The following DCAF6 variants were observed in gnomAD, a reference collection of about 807,000 sequenced individuals.
DCAF6 encodes DDB1 and CUL4 associated factor 6.
A neutral mutation model predicts 125.1 loss-of-function variants in DCAF6; 54 were observed. The observed-to-expected ratio is 0.43, with a 90% CI of 0.35 to 0.54. DCAF6 has a LOEUF of 0.54. DCAF6 is among the 20% of genes least tolerant of loss of function. The pLI is 0.01. For synonymous variants in DCAF6, 371 were observed against 390.4 expected (o/e 0.95, Z 0.58); for missense variants, 934 against 1,161.7 (o/e 0.80, Z 2.85).
At chr1:167,956,102 C>T in intron 2 of DCAF6, among the ~76,000 whole-genome samples, 1 of 152,128 alleles carries the variant, frequency 6.6e-6, no homozygotes, top group Non-Finnish European at 1.5e-5. Context: ...ATGATGTCAT[C>T]AGTTTTTTCA....
chr1:167,963,581 C>T lies in DCAF6; in HGVS notation c.160-3048C>T, dbSNP rs1239971513. Among the ~76,000 whole-genome samples the T allele has an allele frequency of 7.2e-5, 11 of 151,918 alleles. No homozygotes were observed. In the East Asian group the frequency reaches 1.7e-3, roughly 24 times the overall value. Reference sequence around the variant, plus strand: ...TCAGCCTCCTGAGTAGCTGGGATGCCACCACACCCAGCTAATTTTTGTGTT... The same window carrying T: ...TCAGCCTCCTGAGTAGCTGGGATGCTACCACACCCAGCTAATTTTTGTGTT... On this transcript the variant is annotated intron_variant, in intron 2 of 21. Coordinates refer to ENST00000367840, the MANE Select transcript of DCAF6 (RefSeq NM_001198956.2).
intron 10 of DCAF6, among the ~76,000 whole-genome samples, chr1:168,008,112 G>T (rs138812460): frequency 0.015 from 2,285 of 151,788 alleles, 53 homozygotes; most frequent in African/African-American, 0.051. Flanking sequence ...TGGGATTACA[G>T]GTTCCTGCCA....
intron 3 of DCAF6, chr1:167,969,122 T>G (rs147552147): frequency 3.3e-5 from 5 of 152,210 alleles, no homozygotes; most frequent in Non-Finnish European, 2.9e-5. Context: ...AAGAAAGTCA[T>G]TATGTCTAAA....
chr1:167,922,944 A>G, the DCAF6 span, among the ~76,000 whole-genome samples: 1 of 152,226 alleles, frequency 6.6e-6, no homozygotes, highest in African/African-American at 2.4e-5. Flanking sequence ...AAGTACAATA[A>G]GTATATGTTC....
At chr1:167,959,350 G>A (rs1218614318) in intron 2 of DCAF6, among the ~76,000 whole-genome samples, 1 of 152,192 alleles carries the variant, frequency 6.6e-6, no homozygotes, top group African/African-American at 2.4e-5. Context: ...TTGTGGGCAG[G>A]TGTTGGTGTG....
chr1:167,939,520 T>C (rs1057298982), intron 1 of DCAF6, among the ~76,000 whole-genome samples: 1 of 152,204 alleles, frequency 6.6e-6, no homozygotes, highest in East Asian at 1.9e-4. Flanking sequence ...CCCAGCACTT[T>C]GGGAGGCCAA....
At chr1:167,951,086 T>C (rs1673858882) in intron 1 of DCAF6, among the ~76,000 whole-genome samples, 1 of 152,208 alleles carries the variant, frequency 6.6e-6, no homozygotes, top group South Asian at 2.1e-4. Context: ...TATACTAACT[T>C]ATAGCACTTA....
chr1:168,036,564 G>C (rs757416180), intron 12 of DCAF6, among the ~76,000 whole-genome samples: 2 of 152,132 alleles, frequency 1.3e-5, no homozygotes, highest in Non-Finnish European at 2.9e-5. Flanking sequence ...GAAGCCTAAA[G>C]ACAGCAGTGA....
intron 9 of DCAF6, among the ~76,000 whole-genome samples, chr1:168,004,244 G>A (rs939461938): frequency 1.2e-4 from 19 of 152,048 alleles, no homozygotes; most frequent in African/African-American, 4.3e-4. Flanking sequence ...CCTATTTTAA[G>A]CCTTTTTTTA....
At chr1:168,013,460 C>T (rs1684561054) in intron 10 of DCAF6, among the ~76,000 whole-genome samples, 1 of 152,146 alleles carries the variant, frequency 6.6e-6, no homozygotes, top group South Asian at 2.1e-4. Context: ...ATGCTAGTGT[C>T]AGAAATTCTC....
chr1:167,936,709 G>C lies in DCAF6; in HGVS notation c.-203G>C, dbSNP rs1349070784. On this transcript the variant is annotated 5_prime_UTR_variant, in exon 1 of 22. Transcript: ENST00000367840. Reference sequence around the variant, plus strand: ...GATGTTCTGGTTAGTCTAAGAAGGAGAGTATGAGGCGAGCTCCGGCCCGGG... The same window carrying C: ...GATGTTCTGGTTAGTCTAAGAAGGACAGTATGAGGCGAGCTCCGGCCCGGG... 9 of 579,364 alleles carry C rather than the reference G, an allele frequency of 1.6e-5. No individual in the cohort carries two copies. Among genetic ancestry groups the C allele is most frequent in the African/African-American group, 2.0e-5 (1 of 51,028 alleles). 35.9% of individuals were successfully genotyped at this position (579,364 alleles called of 1,614,324 possible).
At chr1:167,920,504 T>C in the DCAF6 span, 2 of 1,592,314 alleles carry the variant, frequency 1.3e-6, no homozygotes, top group Non-Finnish European at 1.7e-6. Context: ...ACAAAAATCA[T>C]TTATGTTCTA....
the DCAF6 span, among the ~76,000 whole-genome samples, chr1:167,921,554 C>T: frequency 2.8e-4 from 43 of 152,216 alleles, no homozygotes; most frequent in East Asian, 8.1e-3. Flanking sequence ...TTAACATCAG[C>T]ATATACATGG....
intron 1 of DCAF6, among the ~76,000 whole-genome samples, chr1:167,942,187 T>G (rs965532555): frequency 6.6e-6 from 1 of 152,230 alleles, no homozygotes; most frequent in Non-Finnish European, 1.5e-5. Flanking sequence ...TGCCTCAGCC[T>G]GCCAAGTAGC....
chr1:167,905,050 G>A, the DCAF6 span: 2 of 1,614,064 alleles, frequency 1.2e-6, no homozygotes, highest in African/African-American at 2.7e-5. Flanking sequence ...GGTCGCTCTG[G>A]GGAGAAATGT....
chr1:167,864,536 G>C, the DCAF6 span, among the ~76,000 whole-genome samples: 1 of 151,904 alleles, frequency 6.6e-6, no homozygotes, highest in South Asian at 2.1e-4. Flanking sequence ...CCCCACAGTA[G>C]TTAAGAGAGG....
the DCAF6 span, chr1:167,894,016 A>C: frequency 2.0e-6 from 2 of 1,010,136 alleles, no homozygotes; most frequent in South Asian, 2.6e-5. Context: ...GGAGGCTCCC[A>C]GTCCCTATTC....
intron 10 of DCAF6, among the ~76,000 whole-genome samples, chr1:168,009,987 G>T (rs1490283833): frequency 6.6e-6 from 1 of 152,062 alleles, no homozygotes; most frequent in Non-Finnish European, 1.5e-5. Flanking sequence ...TCTTTAAGCT[G>T]ATATAGACTA....
the DCAF6 span, among the ~76,000 whole-genome samples, chr1:167,885,122 AT>A: frequency 7.4e-6 from 1 of 135,582 alleles, no homozygotes; most frequent in Non-Finnish European, 1.6e-5. Context: ...GACAGATCTC[AT>A]TTTTTTTATG....
Sources: allele counts gnomAD v4.1 joint callset (sites outside exome capture counted in the v4.1 genomes callset), GRCh38; gene constraint gnomAD v4.1.1; transcripts MANE v1.5; gene names NCBI Gene and HGNC (gene_info 2026-07-23, HGNC 2026-07-21).